Variants in NPSR1 observed in about 807,000 individuals in gnomAD.
NPSR1 encodes neuropeptide S receptor.
A neutral mutation model predicts 46.9 loss-of-function variants in NPSR1; 48 were observed. That is an observed-to-expected ratio of 1.02 (90% confidence interval 0.81 to 1.30). The LOEUF is 1.30. Ranked by LOEUF, NPSR1 falls within the 50% of genes most tolerant of loss-of-function variation. NPSR1 has a pLI of 0.00. For synonymous variants in NPSR1, 176 were observed against 168.1 expected, an observed-to-expected ratio of 1.05 and a Z score of -0.36; for missense variants, 450 against 449.5, an observed-to-expected ratio of 1.00 and a Z score of -0.01.
intron 2 of NPSR1, chr7:34,685,768 CT>C (rs1305215403): frequency 8.0e-6 from 3 of 377,202 alleles, no homozygotes; most frequent in African/African-American, 6.7e-5. Context: ...AGCCCACCTG[CT>C]TGAGCTGGGC....
At chr7:34,731,474 C>G (rs1001442009) in intron 2 of NPSR1, among the ~76,000 whole-genome samples, 1 of 151,514 alleles carries the variant, frequency 6.6e-6, no homozygotes, top group Non-Finnish European at 1.5e-5. Context: ...AAAATGGTAT[C>G]AATGAAATAT....
At chr7:34,814,954 TG>T (rs569868558) in intron 4 of NPSR1, among the ~76,000 whole-genome samples, 114 of 152,270 alleles carry the variant, frequency 7.5e-4, no homozygotes, top group African/African-American at 2.7e-3. Flanking sequence ...ACCACAAAGA[TG>T]GGGAGAAACC....
chr7:34,868,979 TC>T (rs1791388563), intron 8 of NPSR1, among the ~76,000 whole-genome samples: 2 of 151,790 alleles, frequency 1.3e-5, no homozygotes, highest in South Asian at 4.2e-4. Context: ...GACCAACCAC[TC>T]CTGAGGACCT....
chr7:34,840,295 C>A (rs1193949942), intron 6 of NPSR1, among the ~76,000 whole-genome samples: 1 of 152,126 alleles, frequency 6.6e-6, no homozygotes, highest in Non-Finnish European at 1.5e-5. Context: ...GAGTCAGGCA[C>A]AACGAGTGCC....
intron 1 of NPSR1, among the ~76,000 whole-genome samples, chr7:34,680,825 A>G (rs950252883): frequency 3.3e-5 from 5 of 152,200 alleles, no homozygotes; most frequent in African/African-American, 4.8e-5. Context: ...GGATGCATGT[A>G]TAAGTGGTAA....
At chr7:34,820,561 A>G (rs1451571905) in intron 4 of NPSR1, among the ~76,000 whole-genome samples, 2 of 152,190 alleles carry the variant, frequency 1.3e-5, no homozygotes, top group Non-Finnish European at 2.9e-5. Context: ...TTCTGAGTGA[A>G]ATATCAGTGA....
At chr7:34,802,960 G>A (rs1788493312) in intron 3 of NPSR1, among the ~76,000 whole-genome samples, 1 of 150,524 alleles carries the variant, frequency 6.6e-6, no homozygotes, top group African/African-American at 2.5e-5. Flanking sequence ...AAAAACACAT[G>A]AAAAAATGCT....
intron 2 of NPSR1, among the ~76,000 whole-genome samples, chr7:34,759,474 C>A (rs1286772813): frequency 6.6e-6 from 1 of 152,126 alleles, no homozygotes; most frequent in South Asian, 2.1e-4. Flanking sequence ...AAGAGCCCTA[C>A]AATTTGGTGC....
At position 34,815,394 on chromosome 7, in the gene NPSR1, C is replaced by T. The variant is rs80137451; in HGVS notation, c.478+3531C>T. Among the ~76,000 whole-genome samples, 933 of 152,264 alleles carry T rather than the reference C, an allele frequency of 6.1e-3. 13 individuals carry two copies. In the East Asian group the frequency reaches 0.062, roughly 10 times the overall value. ...AGAAAAAAGATTAAAAAGAAACAAA[C>T]AAAGCCTCCAAGAAATATGGTACTA... On this transcript the variant is annotated intron_variant, in intron 4 of 8. Transcript: ENST00000360581.
intron 1 of NPSR1, among the ~76,000 whole-genome samples, chr7:34,682,853 G>A (rs1792715393): frequency 6.6e-6 from 1 of 152,212 alleles, no homozygotes; most frequent in African/African-American, 2.4e-5. Flanking sequence ...CAAAGAACCA[G>A]AGAAAAAGTG....
Position 34,844,763 on chromosome 7 carries a change from G to T in NPSR1, c.758-133G>T, listed in dbSNP as rs1031265891. 4.5e-6 allele frequency: 3 copies of T among 670,720 alleles called. No individual in the cohort carries two copies. In the African/African-American group the frequency reaches 5.4e-5, roughly 12 times the overall value. 41.5% of individuals were successfully genotyped at this position (670,720 alleles called of 1,614,324 possible). On this transcript the variant is annotated intron_variant, in intron 6 of 8. Transcript: ENST00000360581. ...CAACTTTAATCTAAAAATTTCCAAG[G>T]AAGGCCATCTGGGCATAAATGCACA...
chr7:34,709,679 T>C (rs1297521855), intron 2 of NPSR1, among the ~76,000 whole-genome samples: 2 of 152,196 alleles, frequency 1.3e-5, no homozygotes, highest in Non-Finnish European at 2.9e-5. Context: ...CCACTGATTG[T>C]TTGCCTAACC....
At chr7:34,802,313 CTA>C (rs1242668449) in intron 3 of NPSR1, among the ~76,000 whole-genome samples, 1 of 150,286 alleles carries the variant, frequency 6.7e-6, no homozygotes, top group Non-Finnish European at 1.5e-5. Flanking sequence ...TGACTTCAAA[CTA>C]TACTACAAGG....
At chr7:34,663,231 G>A (rs537055615) in intron 1 of NPSR1, among the ~76,000 whole-genome samples, 3 of 152,000 alleles carry the variant, frequency 2.0e-5, no homozygotes, top group Admixed American at 6.5e-5. Context: ...TTTCATCTGG[G>A]TTCCCATCCG....
intron 2 of NPSR1, among the ~76,000 whole-genome samples, chr7:34,726,729 T>C (rs186947721): frequency 1.7e-3 from 259 of 152,044 alleles, no homozygotes; most frequent in Middle Eastern, 6.8e-3. Context: ...ACATGCATAT[T>C]ACTGATTGAA....
chr7:34,857,765 T>A (rs1220702350), intron 8 of NPSR1, among the ~76,000 whole-genome samples: 1 of 151,530 alleles, frequency 6.6e-6, no homozygotes, highest in Non-Finnish European at 1.5e-5. Flanking sequence ...AGACAAGCTA[T>A]AGAATGGAAA....
At chr7:34,678,536 G>C (rs1382984997) in intron 1 of NPSR1, among the ~76,000 whole-genome samples, 1 of 152,030 alleles carries the variant, frequency 6.6e-6, no homozygotes, top group East Asian at 1.9e-4. Flanking sequence ...TTAAGAAAAG[G>C]GACACAGTGG....
At chr7:34,670,285 G>A (rs893539409) in intron 1 of NPSR1, among the ~76,000 whole-genome samples, 1 of 151,988 alleles carries the variant, frequency 6.6e-6, no homozygotes, top group Non-Finnish European at 1.5e-5. Flanking sequence ...TCAATAATAA[G>A]AAATATTTTG....
At chr7:34,674,607 T>C (rs1007654273) in intron 1 of NPSR1, among the ~76,000 whole-genome samples, 3 of 152,354 alleles carry the variant, frequency 2.0e-5, no homozygotes, top group Admixed American at 1.3e-4. Context: ...TTTCCTGTAT[T>C]GGAAAATGGC....
Sources: allele counts gnomAD v4.1 joint callset (sites outside exome capture counted in the v4.1 genomes callset), GRCh38; gene constraint gnomAD v4.1.1; transcripts MANE v1.5; gene names NCBI Gene and HGNC (gene_info 2026-07-23, HGNC 2026-07-21).